TMEM131: variants seen among roughly 807,000 people sequenced by gnomAD.
TMEM131 encodes the protein 2610524E03Rik.
TMEM131 carries 66 observed loss-of-function variants against 211.6 expected under a neutral mutation model. That is an observed-to-expected ratio of 0.31 (90% CI 0.26 to 0.38). The LOEUF (loss-of-function observed/expected upper bound fraction) is 0.38. TMEM131 is among the 10% of genes least tolerant of loss of function. The pLI is 1.00. For synonymous variants in TMEM131, 844 were observed against 841.3 expected (o/e 1.00, Z -0.06); for missense variants, 2,036 against 2,299.3 (o/e 0.89, Z 2.34).
intron 5 of TMEM131, among the ~76,000 whole-genome samples, chr2:97,859,093 A>T (rs910921870): frequency 9.9e-5 from 15 of 152,230 alleles, no homozygotes; most frequent in African/African-American, 3.6e-4. Flanking sequence ...CAGAGTATTT[A>T]AGGTTCACTG....
intron 1 of TMEM131, among the ~76,000 whole-genome samples, chr2:97,943,089 G>GA (rs747978896): frequency 3.4e-5 from 5 of 147,054 alleles, no homozygotes; most frequent in Non-Finnish European, 7.6e-5. Context: ...AAGAAAGAAA[G>GA]AAAGAAAGAA....
At chr2:97,829,147 T>C (rs1474720879) in intron 11 of TMEM131, among the ~76,000 whole-genome samples, 1 of 152,154 alleles carries the variant, frequency 6.6e-6, no homozygotes, top group African/African-American at 2.4e-5. Flanking sequence ...CCAACAGCAG[T>C]TGGGGTGTCC....
chr2:97,824,960 A>AAAT (rs1682305225), intron 11 of TMEM131, among the ~76,000 whole-genome samples: 2 of 152,188 alleles, frequency 1.3e-5, no homozygotes, highest in Admixed American at 1.3e-4. Flanking sequence ...AGTTGTACCC[A>AAAT]ACCCCTATAC....
intron 8 of TMEM131, among the ~76,000 whole-genome samples, chr2:97,836,314 C>T (rs975150271): frequency 6.6e-6 from 1 of 152,134 alleles, no homozygotes; most frequent in African/African-American, 2.4e-5. Flanking sequence ...GTGTGTGTAA[C>T]AGCAGTTAAT....
chr2:97,933,358 A>C (rs376612904), intron 1 of TMEM131, among the ~76,000 whole-genome samples: 2 of 152,322 alleles, frequency 1.3e-5, no homozygotes, highest in South Asian at 4.1e-4. Flanking sequence ...TAGTAAGTGA[A>C]ATAAGCTAGA....
chr2:97,764,317 G>A (rs1679049390), intron 35 of TMEM131: 1 of 152,654 alleles, frequency 6.6e-6, no homozygotes, highest in Non-Finnish European at 1.5e-5. Flanking sequence ...AGGGATAAAA[G>A]GGGATGAGAA....
intron 11 of TMEM131, 130 bp downstream of exon 11, chr2:97,833,235 G>T: frequency 1.8e-6 from 1 of 541,774 alleles, no homozygotes; most frequent in South Asian, 2.3e-5. Flanking sequence ...ATCACACTTA[G>T]AACCAAAGTG....
chr2:97,803,125 A>T (rs1419610540), intron 22 of TMEM131, among the ~76,000 whole-genome samples: 1 of 152,228 alleles, frequency 6.6e-6, no homozygotes, highest in African/African-American at 2.4e-5. Context: ...AAGCTGGCCT[A>T]TAGTAGATAA....
intron 22 of TMEM131, among the ~76,000 whole-genome samples, chr2:97,803,764 A>G (rs78586357): frequency 6.6e-6 from 1 of 152,262 alleles, no homozygotes; most frequent in Non-Finnish European, 1.5e-5. Flanking sequence ...AGAGGAGGGC[A>G]GGCTTTTTGT....
chr2:97,988,317 G>A (rs1326787766), intron 1 of TMEM131, among the ~76,000 whole-genome samples: 1 of 152,070 alleles, frequency 6.6e-6, no homozygotes, highest in African/African-American at 2.4e-5. Context: ...ACTCAAAATG[G>A]GTTAAAGACC....
intron 2 of TMEM131, among the ~76,000 whole-genome samples, chr2:97,922,427 G>T (rs1005923259): frequency 6.6e-6 from 1 of 152,108 alleles, no homozygotes; most frequent in Admixed American, 6.5e-5. Flanking sequence ...TTCACCAAGA[G>T]ACAGCATTAT....
At chr2:97,963,752 T>C (rs1347728854) in intron 1 of TMEM131, among the ~76,000 whole-genome samples, 1 of 152,218 alleles carries the variant, frequency 6.6e-6, no homozygotes, top group Non-Finnish European at 1.5e-5. Flanking sequence ...TTTTTGAGAT[T>C]GCTAGAATAA....
In TMEM131 at chr2:97,812,744, A is replaced by G; in HGVS notation, c.1623T>C (p.Phe541=). Residue 541 remains phenylalanine, a synonymous_variant, in exon 16 of 41, where the codon TTT becomes TTC. Transcript: ENST00000186436. ...VRVYTGFLDY[F]VLPPKIEERF... is the part of the protein sequence containing the mutation. Reference sequence around the variant, plus strand: ...GTTCCTCTATTTTGGGGGGCAATACAAAGTACTGGAAAGATATAAAAGAAC... The same window carrying G: ...GTTCCTCTATTTTGGGGGGCAATACGAAGTACTGGAAAGATATAAAAGAAC... The G allele has an allele frequency of 6.6e-7, 1 of 1,519,622 alleles. No individual in the cohort carries two copies. Among genetic ancestry groups the G allele is most frequent in the Non-Finnish European group, 8.9e-7 (1 of 1,123,494 alleles). The allele number at this position is 1,519,622 out of a possible 1,614,324, so 94.1% of individuals were successfully genotyped here.
intron 11 of TMEM131, among the ~76,000 whole-genome samples, chr2:97,825,601 A>G (rs1222603226): frequency 6.6e-6 from 1 of 152,172 alleles, no homozygotes; most frequent in African/African-American, 2.4e-5. Flanking sequence ...CAGCCTTCAA[A>G]ACCTTAAAGC....
intron 31 of TMEM131, among the ~76,000 whole-genome samples, chr2:97,787,541 C>A (rs903844681): frequency 6.6e-6 from 1 of 152,224 alleles, no homozygotes; most frequent in South Asian, 2.1e-4. Flanking sequence ...CTGGACCTCC[C>A]ATTGTCTGGG....
At chr2:97,984,386 G>C (rs1039937410) in intron 1 of TMEM131, among the ~76,000 whole-genome samples, 7 of 151,700 alleles carry the variant, frequency 4.6e-5, no homozygotes, top group Non-Finnish European at 7.4e-5. Context: ...GCAAACTGAT[G>C]TCTCAGTCCA....
intron 12 of TMEM131, 149 bp downstream of exon 12, chr2:97,818,464 G>T (rs867563533): frequency 1.8e-5 from 5 of 272,348 alleles, no homozygotes; most frequent in African/African-American, 1.5e-4. Flanking sequence ...GGTTTACAGC[G>T]GGGGGGGGCG....
At chr2:97,825,414 C>T (rs1682331425) in intron 11 of TMEM131, among the ~76,000 whole-genome samples, 1 of 152,202 alleles carries the variant, frequency 6.6e-6, no homozygotes, top group Non-Finnish European at 1.5e-5. Flanking sequence ...TGAATACAGC[C>T]TATACTGGCT....
At chr2:97,972,316 G>A (rs899432341) in intron 1 of TMEM131, among the ~76,000 whole-genome samples, 12 of 151,848 alleles carry the variant, frequency 7.9e-5, no homozygotes, top group Admixed American at 2.6e-4. Context: ...AATGTTCCAG[G>A]CCCACCTAAC....
Sources: gnomAD v4.1 joint callset for allele counts (sites outside exome capture counted in the v4.1 genomes callset) on GRCh38, gnomAD v4.1.1 for gene constraint, MANE v1.5 for transcripts, NCBI Gene and HGNC (gene_info 2026-07-23, HGNC 2026-07-21) for gene names.